SPATA17: variants seen among roughly 807,000 people sequenced by gnomAD.
SPATA17 encodes spermatogenesis-associated protein 17.
A neutral mutation model predicts 62.2 loss-of-function variants in SPATA17; 53 were observed. The observed-to-expected ratio is 0.85, with a 90% CI of 0.68 to 1.07. The LOEUF (loss-of-function observed/expected upper bound fraction) is 1.07. Ranked by LOEUF, SPATA17 falls within the 50% of genes least tolerant of loss-of-function variation. SPATA17 has a pLI of 0.00. For synonymous variants in SPATA17, 146 were observed against 146.8 expected (o/e 0.99, Z 0.04); for missense variants, 466 against 425.5 (o/e 1.10, Z -0.84).
At chr1:217,680,565 G>A (rs1671056198) in intron 4 of SPATA17, among the ~76,000 whole-genome samples, 1 of 152,060 alleles carries the variant, frequency 6.6e-6, no homozygotes, top group Non-Finnish European at 1.5e-5. Context: ...CACTTGAGAA[G>A]TATTTTGAAA....
At chr1:217,717,640 C>T (rs533071509) in intron 5 of SPATA17, among the ~76,000 whole-genome samples, 72 of 152,054 alleles carry the variant, frequency 4.7e-4, no homozygotes, top group African/African-American at 1.5e-3. Context: ...TATGTAAATC[C>T]TATGTAATTT....
intron 9 of SPATA17, among the ~76,000 whole-genome samples, chr1:217,810,258 A>G (rs954539959): frequency 6.6e-6 from 1 of 152,176 alleles, no homozygotes; most frequent in South Asian, 2.1e-4. Flanking sequence ...TTTTTATTTT[A>G]GAGGAATAAT....
chr1:217,793,077 G>A (rs1674038595), intron 8 of SPATA17, among the ~76,000 whole-genome samples: 1 of 152,124 alleles, frequency 6.6e-6, no homozygotes, highest in South Asian at 2.1e-4. Context: ...GAAAGATATT[G>A]TGTATTGAGA....
chr1:217,749,985 C>CTCTATATATATA, intron 6 of SPATA17, among the ~76,000 whole-genome samples: 51 of 12,306 alleles, frequency 4.1e-3, no homozygotes, highest in East Asian at 9.2e-3. Flanking sequence ...CTCTCTCTCT[C>CTCTATATATATA]TATATATATA....
At chr1:217,827,950 G>A (rs750341372) in intron 9 of SPATA17, among the ~76,000 whole-genome samples, 1 of 152,098 alleles carries the variant, frequency 6.6e-6, no homozygotes, top group Non-Finnish European at 1.5e-5. Flanking sequence ...ATACCTAGTT[G>A]ATGGATTGAT....
intron 9 of SPATA17, among the ~76,000 whole-genome samples, chr1:217,861,623 G>C (rs1312727504): frequency 6.6e-6 from 1 of 152,100 alleles, no homozygotes; most frequent in Admixed American, 6.6e-5. Flanking sequence ...GTAACAAAAA[G>C]AAGGCAAGAA....
intron 6 of SPATA17, among the ~76,000 whole-genome samples, chr1:217,750,009 A>ATATATC (rs1672869177): frequency 7.6e-6 from 1 of 131,202 alleles, no homozygotes; most frequent in African/African-American, 2.8e-5. Context: ...ATATATATAT[A>ATATATC]TATGAGGTAG....
chr1:217,750,601 A>T (rs4281377), intron 6 of SPATA17, among the ~76,000 whole-genome samples: 116,469 of 152,156 alleles, frequency 0.77, 44,983 homozygotes, highest in Non-Finnish European at 0.81. Context: ...GGAGTTGGAA[A>T]GGTCTGGTAA....
intron 9 of SPATA17, among the ~76,000 whole-genome samples, chr1:217,844,177 G>A (rs1465627976): frequency 6.6e-6 from 1 of 152,124 alleles, no homozygotes; most frequent in Non-Finnish European, 1.5e-5. Flanking sequence ...TAGTGATGCA[G>A]AGAGTCAGGA....
intron 2 of SPATA17, 93 bp from the exon 3 acceptor site, chr1:217,651,004 G>C: frequency 1.1e-6 from 1 of 933,656 alleles, no homozygotes; most frequent in Non-Finnish European, 1.7e-6. Context: ...CTTTGAATTT[G>C]AATTCTTGAA....
At chr1:217,723,269 C>T (rs532953688) in intron 5 of SPATA17, among the ~76,000 whole-genome samples, 10 of 152,234 alleles carry the variant, frequency 6.6e-5, no homozygotes, top group African/African-American at 2.4e-4. Context: ...GGATCACTTC[C>T]TCGGTGAGCT....
intron 6 of SPATA17, among the ~76,000 whole-genome samples, chr1:217,763,093 C>T (rs528098514): frequency 3.3e-5 from 5 of 152,262 alleles, no homozygotes; most frequent in Admixed American, 1.3e-4. Context: ...TCTTCTAATG[C>T]GCAGCCAGAG....
At chr1:217,782,420 T>A in intron 8 of SPATA17, 98 bp downstream of exon 8, 1 of 1,336,270 alleles carries the variant, frequency 7.5e-7, no homozygotes, top group Non-Finnish European at 9.8e-7. Flanking sequence ...CTTTTATTTG[T>A]GAGAAAAGGT....
chr1:217,856,475 TAAG>T (rs1371172416), intron 9 of SPATA17, among the ~76,000 whole-genome samples: 1 of 152,102 alleles, frequency 6.6e-6, no homozygotes, highest in Non-Finnish European at 1.5e-5. Flanking sequence ...GCAGAAGTAA[TAAG>T]AAAGTTTTCA....
intron 9 of SPATA17, among the ~76,000 whole-genome samples, chr1:217,816,496 C>A (rs1674720331): frequency 6.6e-6 from 1 of 151,654 alleles, no homozygotes; most frequent in Non-Finnish European, 1.5e-5. Flanking sequence ...ACTTTATAAT[C>A]TTTTTACTTC....
At chr1:217,699,770 A>G (rs1350364402) in intron 5 of SPATA17, among the ~76,000 whole-genome samples, 1 of 152,126 alleles carries the variant, frequency 6.6e-6, no homozygotes, top group Non-Finnish European at 1.5e-5. Flanking sequence ...CTAGTCTAAG[A>G]TGGCTTTGTC....
intron 5 of SPATA17, among the ~76,000 whole-genome samples, chr1:217,716,633 C>G (rs1177892429): frequency 6.6e-6 from 1 of 152,090 alleles, no homozygotes; most frequent in African/African-American, 2.4e-5. Context: ...AAAAGAAACA[C>G]TTTAATTACA....
rs1191562003 is a variant in SPATA17, at chr1:217,668,997, C to T, written c.241-36C>T. 4 of 1,587,136 alleles carry T rather than the reference C, an allele frequency of 2.5e-6. No homozygotes were observed. In the African/African-American group the frequency reaches 5.4e-5, roughly 21 times the overall value. On this transcript the variant is annotated intron_variant, in intron 3 of 10. Transcript: ENST00000366933. ...AATAGGCTGCACTGTCTTTGTGTAA[C>T]TGAAATGCATGCCATCTTTTTTTCT... is the stretch of plus-strand genomic sequence containing the variant.
chr1:217,783,917 T>G (rs577626864), intron 8 of SPATA17, among the ~76,000 whole-genome samples: 308 of 152,246 alleles, frequency 2.0e-3, no homozygotes, highest in African/African-American at 7.2e-3. Context: ...GCTCTGAGGC[T>G]TTCCGAGATT....
Sources: allele counts gnomAD v4.1 joint callset (sites outside exome capture counted in the v4.1 genomes callset), GRCh38; gene constraint gnomAD v4.1.1; transcripts MANE v1.5; gene names NCBI Gene and HGNC (gene_info 2026-07-23, HGNC 2026-07-21).